The following NAV2 variants were observed in gnomAD, a reference collection of about 807,000 sequenced individuals.
NAV2 encodes helicase, APC down-regulated 1.
NAV2 carries 54 observed loss-of-function variants against 223.2 expected under a neutral mutation model. That is an observed-to-expected ratio of 0.24 (90% CI 0.19 to 0.30). NAV2 has a LOEUF of 0.30. NAV2 is among the 10% of genes least tolerant of loss of function. The pLI, the probability that NAV2 is intolerant of heterozygous loss-of-function variation, is 1.00. For missense variants in NAV2, 2,806 were observed against 3,147.5 expected (o/e 0.89, Z 2.60); for synonymous variants, 1,279 against 1,239.3 (o/e 1.03, Z -0.67).
chr11:19,438,364 G>A (rs914105094), intron 1 of NAV2, among the ~76,000 whole-genome samples: 5 of 152,216 alleles, frequency 3.3e-5, no homozygotes, highest in Non-Finnish European at 4.4e-5. Flanking sequence ...GCACAGGTTT[G>A]GATGCAAGCA....
chr11:19,674,552 A>G (rs2048664384), intron 1 of NAV2, among the ~76,000 whole-genome samples: 1 of 152,248 alleles, frequency 6.6e-6, no homozygotes, highest in South Asian at 2.1e-4. Flanking sequence ...GTCACGGGCC[A>G]GGCTTACCTC....
chr11:20,062,425 A>G, intron 20 of NAV2, 66 bp downstream of exon 20: 1 of 1,246,758 alleles, frequency 8.0e-7, no homozygotes. Context: ...CAAATGTGTC[A>G]AGAATAAAAT....
chr11:19,772,007 C>G (rs1270576861), intron 1 of NAV2, among the ~76,000 whole-genome samples: 1 of 152,162 alleles, frequency 6.6e-6, no homozygotes, highest in Non-Finnish European at 1.5e-5. Context: ...CTCAGGCCTT[C>G]CTTGTCGCTG....
intron 1 of NAV2, among the ~76,000 whole-genome samples, chr11:19,805,298 C>T (rs1227492036): frequency 6.6e-6 from 1 of 152,162 alleles, no homozygotes; most frequent in Admixed American, 6.5e-5. Flanking sequence ...TTTCAGACCT[C>T]TTCTTATTTT....
At chr11:20,107,614 C>T (rs748697155) in intron 35 of NAV2, 50 bp from the exon 36 acceptor site, 2 of 1,411,246 alleles carry the variant, frequency 1.4e-6, no homozygotes, top group East Asian at 2.3e-5. Flanking sequence ...CCTGATGCCC[C>T]ATCACCCATG....
intron 7 of NAV2, among the ~76,000 whole-genome samples, chr11:19,936,538 G>A (rs1042256740): frequency 5.9e-5 from 9 of 152,136 alleles, no homozygotes; most frequent in Non-Finnish European, 1.3e-4. Flanking sequence ...GGTAACTAAC[G>A]TCCTTCTGTC....
chr11:19,451,395 C>T (rs1361038994), intron 1 of NAV2, among the ~76,000 whole-genome samples: 1 of 152,084 alleles, frequency 6.6e-6, no homozygotes, highest in African/African-American at 2.4e-5. Flanking sequence ...ATTCATTGTC[C>T]GTCTATACCT....
intron 1 of NAV2, among the ~76,000 whole-genome samples, chr11:19,366,469 A>G (rs1848285331): frequency 6.6e-6 from 1 of 152,088 alleles, no homozygotes; most frequent in African/African-American, 2.4e-5. Flanking sequence ...TTGCAGATGA[A>G]GGGTACCAGG....
At chr11:19,939,910 TC>T in intron 8 of NAV2, 137 bp downstream of exon 8, 7 of 385,678 alleles carry the variant, frequency 1.8e-5, no homozygotes, top group Middle Eastern at 3.7e-4. Flanking sequence ...AAACTTTCTT[TC>T]TTTTTTTTTT....
At chr11:20,078,807 A>G (rs1592027791) in intron 24 of NAV2, among the ~76,000 whole-genome samples, 1 of 152,186 alleles carries the variant, frequency 6.6e-6, no homozygotes, top group South Asian at 2.1e-4. Context: ...ATCTTGGGGT[A>G]ATGTAGGAGT....
At chr11:19,770,462 A>T (rs986158287) in intron 1 of NAV2, among the ~76,000 whole-genome samples, 1 of 151,998 alleles carries the variant, frequency 6.6e-6, no homozygotes. Context: ...CAAAGATTGC[A>T]CAATTTCAAC....
chr11:19,366,407 C>T (rs1848282640), intron 1 of NAV2, among the ~76,000 whole-genome samples: 1 of 152,156 alleles, frequency 6.6e-6, no homozygotes, highest in Non-Finnish European at 1.5e-5. Context: ...CTGCTTCCTG[C>T]TTGCTTCTTC....
chr11:19,830,512 A>G (rs1203102443), intron 1 of NAV2, among the ~76,000 whole-genome samples: 2 of 152,224 alleles, frequency 1.3e-5, no homozygotes, highest in East Asian at 1.9e-4. Flanking sequence ...AACCTCTGCC[A>G]CATAGAATGA....
Position 20,033,610 on chromosome 11 carries a change from C to T in NAV2, c.2769-2349C>T, listed in dbSNP as rs145925991. 4.1e-3 allele frequency among the ~76,000 whole-genome samples: 621 copies of T among 152,278 alleles called. 7 individuals are homozygous for T. Among genetic ancestry groups the T allele is most frequent in the African/African-American group, 0.015 (606 of 41,550 alleles). Reference sequence around the variant, plus strand: ...CCCTTTTGAGCCCTCACTCTCCCTGCCTCATCCTCCCACCTTGGGACCACC... The same window carrying T: ...CCCTTTTGAGCCCTCACTCTCCCTGTCTCATCCTCCCACCTTGGGACCACC... On this transcript the variant is annotated intron_variant, in intron 11 of 37. Coordinates refer to ENST00000349880, the MANE Select transcript of NAV2 (RefSeq NM_145117.5).
At chr11:20,104,071 CTGCTTGTTTCCAGTGGCGTCTCT>C in intron 34 of NAV2, 1 of 280,384 alleles carries the variant, frequency 3.6e-6, no homozygotes, top group South Asian at 4.6e-5. Context: ...CCCTGCTGCC[CTGCTTGTTTCCAGTGGCGTCTCT>C]CTGTCCCAAG....
rs1345275302 is a variant in NAV2, at chr11:20,054,070, G to A, written c.4482-10G>A. On this transcript the variant is annotated splice_polypyrimidine_tract_variant and intron_variant, in intron 17 of 37. Transcript: ENST00000349880. ...CATAGTTAATTCCGGCTTGATTTCT[G>A]TCTGTCCAGGTATACTCCCACCTCC... 8 of 1,611,198 alleles carry A rather than the reference G, an allele frequency of 5.0e-6. No homozygotes were observed. Among genetic ancestry groups the A allele is most frequent in the South Asian group, 1.1e-5 (1 of 90,362 alleles).
intron 6 of NAV2, among the ~76,000 whole-genome samples, chr11:19,916,410 C>T (rs1288987437): frequency 1.3e-5 from 2 of 152,170 alleles, no homozygotes; most frequent in African/African-American, 4.8e-5. Context: ...AATCAGTATG[C>T]ATTAATACAT....
intron 8 of NAV2, among the ~76,000 whole-genome samples, chr11:19,942,701 C>T (rs2046500776): frequency 6.6e-6 from 1 of 152,198 alleles, no homozygotes; most frequent in Admixed American, 6.5e-5. Flanking sequence ...CTTTGACTTT[C>T]TGTCTGGGTG....
intron 10 of NAV2, among the ~76,000 whole-genome samples, chr11:19,966,416 A>T (rs1361441335): frequency 6.6e-6 from 1 of 152,152 alleles, no homozygotes; most frequent in African/African-American, 2.4e-5. Context: ...AGCATGGTGC[A>T]TCATGGGCCC....
Sources: allele counts gnomAD v4.1 joint callset (sites outside exome capture counted in the v4.1 genomes callset), GRCh38; gene constraint gnomAD v4.1.1; transcripts MANE v1.5; gene names NCBI Gene and HGNC (gene_info 2026-07-23, HGNC 2026-07-21).